MARCHF1: variants seen among roughly 807,000 people sequenced by gnomAD.
MARCHF1 encodes the protein E3 ubiquitin-protein ligase MARCHF1.
A neutral mutation model predicts 54.2 loss-of-function variants in MARCHF1; 40 were observed. The ratio of observed to expected loss-of-function variants is 0.74; its 90% confidence interval spans 0.57 to 0.96. MARCHF1 has a LOEUF of 0.96. MARCHF1 is among the 40% of genes least tolerant of loss of function. The pLI, the probability that MARCHF1 is intolerant of heterozygous loss-of-function variation, is 0.00. For missense variants in MARCHF1, 586 were observed against 656.5 expected, an observed-to-expected ratio of 0.89 and a Z score of 1.17; for synonymous variants, 236 against 236.3, an observed-to-expected ratio of 1.00 and a Z score of 0.01.
chr4:163,698,573 T>A (rs920809833), intron 5 of MARCHF1, among the ~76,000 whole-genome samples: 1 of 152,206 alleles, frequency 6.6e-6, no homozygotes, highest in Non-Finnish European at 1.5e-5. Flanking sequence ...TGCAGTTTTA[T>A]AATTAATTGT....
At chr4:163,790,432 T>C (rs1747744138) in intron 4 of MARCHF1, among the ~76,000 whole-genome samples, 1 of 152,078 alleles carries the variant, frequency 6.6e-6, no homozygotes, top group Admixed American at 6.6e-5. Context: ...GATGTAGTTA[T>C]TAATAGGGCA....
intron 1 of MARCHF1, among the ~76,000 whole-genome samples, chr4:164,242,568 C>T (rs563611372): frequency 1.1e-4 from 16 of 151,962 alleles, no homozygotes; most frequent in East Asian, 1.9e-4. Context: ...AAAAGCAGAG[C>T]GCCTCTCCTC....
intron 4 of MARCHF1, among the ~76,000 whole-genome samples, chr4:163,850,131 C>T (rs555974783): frequency 2.0e-4 from 31 of 152,244 alleles, no homozygotes; most frequent in East Asian, 1.2e-3. Flanking sequence ...CAGCAGTGGA[C>T]GTTGGGTCCA....
chr4:164,125,416 T>C (rs1247197016), intron 1 of MARCHF1, among the ~76,000 whole-genome samples: 2 of 152,124 alleles, frequency 1.3e-5, no homozygotes, highest in East Asian at 1.9e-4. Flanking sequence ...ATCAAGCACA[T>C]GAGACACAAT....
rs1266024794 is a variant in MARCHF1, at chr4:163,528,021, TGAAAA to T, written c.*722_*726del. 1.3e-5 allele frequency: 2 copies of T among 152,548 alleles called. No individual in the cohort carries two copies. The highest frequency in any genetic ancestry group is 2.9e-5 in the Non-Finnish European group (2 of 67,984). 9.4% of individuals were successfully genotyped at this position (152,548 alleles called of 1,614,324 possible). On this transcript the variant is annotated 3_prime_UTR_variant, in exon 10 of 10. Transcript: ENST00000514618. ...ACAGCACTGTATTAGAGGAACCAGA[TGAAAA>T]TAAATATAAGACCTGATAACAGTTC...
At chr4:163,578,444 A>T (rs2110791391) in intron 8 of MARCHF1, among the ~76,000 whole-genome samples, 1 of 152,268 alleles carries the variant, frequency 6.6e-6, no homozygotes, top group Non-Finnish European at 1.5e-5. Context: ...AACAATTATT[A>T]TTCAGCAGTT....
chr4:164,372,533 T>A lies in MARCHF1; in HGVS notation c.-323+11337A>T, dbSNP rs1731065245. On this transcript the variant is annotated intron_variant, in intron 1 of 9. Coordinates refer to ENST00000514618, the MANE Select transcript of MARCHF1 (RefSeq NM_001394959.1). ...TTTTCAGTCTTAATATTTCTATAATTTTTTTATAATAAACATATTTTACCT... is the reference window on the plus strand; with the variant it reads ...TTTTCAGTCTTAATATTTCTATAATATTTTTATAATAAACATATTTTACCT... 2.6e-5 allele frequency among the ~76,000 whole-genome samples: 4 copies of A among 152,142 alleles called. No homozygotes were observed. In the South Asian group the frequency reaches 8.3e-4, roughly 32 times the overall value.
At chr4:163,686,642 C>T (rs1455010483) in intron 5 of MARCHF1, among the ~76,000 whole-genome samples, 8 of 151,808 alleles carry the variant, frequency 5.3e-5, no homozygotes, top group Admixed American at 5.2e-4. Flanking sequence ...AAATGTTGAA[C>T]TCAGTACTTC....
Position 163,998,492 on chromosome 4 carries a change from A to G in MARCHF1, c.-247-9783T>C, listed in dbSNP as rs560006477. On this transcript the variant is annotated intron_variant, in intron 2 of 9. Transcript: ENST00000514618. ...AATTAGCATATTCATTACCTCATAC[A>G]CTTATTTGTTGTAAGGAAAATTAAA... 5.3e-5 allele frequency among the ~76,000 whole-genome samples: 8 copies of G among 151,830 alleles called. No homozygotes were observed. The East Asian group carries it at 1.5e-3, about 29-fold the overall frequency.
At chr4:163,977,052 G>C (rs1231544099) in intron 3 of MARCHF1, among the ~76,000 whole-genome samples, 1 of 151,984 alleles carries the variant, frequency 6.6e-6, no homozygotes, top group Non-Finnish European at 1.5e-5. Flanking sequence ...AAAGTTGTGA[G>C]TTATGATGAA....
intron 3 of MARCHF1, among the ~76,000 whole-genome samples, chr4:163,916,567 C>T (rs1450471787): frequency 6.7e-6 from 1 of 150,316 alleles, no homozygotes; most frequent in Non-Finnish European, 1.5e-5. Flanking sequence ...TCTCGTGAGT[C>T]ACTGAAATTA....
At chr4:163,692,005 C>G (rs1456576058) in intron 5 of MARCHF1, among the ~76,000 whole-genome samples, 2 of 152,168 alleles carry the variant, frequency 1.3e-5, no homozygotes, top group Non-Finnish European at 2.9e-5. Flanking sequence ...AGAGGGTTAA[C>G]ATGTGGTGCA....
chr4:163,566,286 CTGTT>C (rs979381270), intron 8 of MARCHF1, among the ~76,000 whole-genome samples: 4 of 152,232 alleles, frequency 2.6e-5, no homozygotes, highest in Non-Finnish European at 5.9e-5. Flanking sequence ...AGGGGACATA[CTGTT>C]TGTCCGGGCT....
intron 1 of MARCHF1, among the ~76,000 whole-genome samples, chr4:164,282,579 C>T (rs1041546874): frequency 6.6e-6 from 1 of 151,154 alleles, no homozygotes; most frequent in Non-Finnish European, 1.5e-5. Flanking sequence ...CCTTACCACA[C>T]ACTCTCAACT....
At chr4:163,986,869 G>A (rs181388594) in intron 3 of MARCHF1, among the ~76,000 whole-genome samples, 4 of 152,200 alleles carry the variant, frequency 2.6e-5, no homozygotes, top group East Asian at 1.9e-4. Context: ...GATTTCTGGC[G>A]AAGACCTGGA....
chr4:163,768,589 G>C (rs1747060305), intron 4 of MARCHF1, among the ~76,000 whole-genome samples: 1 of 152,144 alleles, frequency 6.6e-6, no homozygotes, highest in Admixed American at 6.5e-5. Flanking sequence ...TCATGCTATA[G>C]CAGCTTCTGA....
intron 1 of MARCHF1, among the ~76,000 whole-genome samples, chr4:164,301,397 C>T (rs1734557851): frequency 6.6e-6 from 1 of 152,196 alleles, no homozygotes. Context: ...TCAGTTTACA[C>T]AAGGAACACG....
At chr4:163,672,436 G>T (rs1743769843) in intron 5 of MARCHF1, among the ~76,000 whole-genome samples, 1 of 151,898 alleles carries the variant, frequency 6.6e-6, no homozygotes, top group Non-Finnish European at 1.5e-5. Context: ...ATAAATACCA[G>T]CTTTTGTTAT....
intron 3 of MARCHF1, among the ~76,000 whole-genome samples, chr4:163,901,118 G>A (rs983792046): frequency 1.3e-5 from 2 of 152,146 alleles, no homozygotes; most frequent in Admixed American, 6.5e-5. Flanking sequence ...AGAAGCACTA[G>A]AGTAGTAAAG....
Sources: allele counts gnomAD v4.1 joint callset (sites outside exome capture counted in the v4.1 genomes callset), GRCh38; gene constraint gnomAD v4.1.1; transcripts MANE v1.5; gene names NCBI Gene and HGNC (gene_info 2026-07-23, HGNC 2026-07-21).